Variants in NHS observed in about 807,000 individuals in gnomAD.
The protein encoded by NHS is NHS actin remodeling regulator.
A neutral mutation model predicts 72.5 loss-of-function variants in NHS; 5 were observed. That is an observed-to-expected ratio of 0.07 (90% CI 0.04 to 0.14). The LOEUF is 0.14. NHS is among the 10% of genes least tolerant of loss of function. NHS has a pLI of 1.00. For missense variants in NHS, 1,072 were observed against 1,355.7 expected (o/e 0.79, Z 3.29); for synonymous variants, 464 against 547.7 (o/e 0.85, Z 2.13).
intron 1 of NHS, among the ~76,000 whole-genome samples, chrX:17,576,277 C>T (rs1211757324): frequency 8.9e-6 from 1 of 112,015 alleles, no homozygotes; most frequent in Admixed American, 9.5e-5. Context: ...TTCAGCTTTG[C>T]ACCTTTGGAA....
chrX:17,677,670 T>TG (rs1325420978), intron 1 of NHS, among the ~76,000 whole-genome samples: 1 of 111,772 alleles, frequency 8.9e-6, no homozygotes, highest in African/African-American at 3.3e-5. Flanking sequence ...AGATGCTCCT[T>TG]GCGGTCTGTG....
At chrX:17,415,539 T>G (rs1335840094) in intron 1 of NHS, among the ~76,000 whole-genome samples, 1 of 111,759 alleles carries the variant, frequency 8.9e-6, no homozygotes, top group Non-Finnish European at 1.9e-5. Flanking sequence ...AAACCTCAAA[T>G]TTTTGGGCTG....
intron 1 of NHS, among the ~76,000 whole-genome samples, chrX:17,655,584 C>G (rs1175897772): frequency 1.8e-5 from 2 of 112,533 alleles, no homozygotes; most frequent in Non-Finnish European, 3.8e-5. Context: ...CTGGGAGATA[C>G]TCGCAGAGCC....
At chrX:17,465,800 T>C (rs2064868459) in intron 1 of NHS, among the ~76,000 whole-genome samples, 1 of 112,480 alleles carries the variant, frequency 8.9e-6, no homozygotes, top group Non-Finnish European at 1.9e-5. Flanking sequence ...CTTTATCATG[T>C]GTAATGTCTA....
Position 17,376,112 on chromosome X carries a change from C to G in NHS, c.355C>G (p.Leu119Val), listed in dbSNP as rs1307280695. ...CTCGGCGGCGGCGGCGGCGGCCGTG[C>G]TGCTCATGCTGGACCTATGCGCGGT... ...ASSAAAAAAV[L>V]LMLDLCAVSN... The change falls in exon 1 of 9, where the codon CTG becomes GTG. Residue 119 changes from leucine (L) to valine (V), a missense_variant. By Grantham distance (32) the Leu-to-Val change is conservative. Coordinates refer to ENST00000676302, the MANE Select transcript of NHS (RefSeq NM_001291867.2). The G allele has an allele frequency of 8.8e-7, 1 of 1,136,334 alleles. No homozygotes were observed. Among genetic ancestry groups the G allele is most frequent in the Non-Finnish European group, 1.2e-6 (1 of 864,470 alleles). The allele number at this position is 1,136,334 out of a possible 1,213,427, so 93.6% of individuals were successfully genotyped here. A position where few individuals can be genotyped will look rare whatever the true frequency, so the allele number is the denominator to read the frequency against.
chrX:17,401,116 G>A (rs926558667), intron 1 of NHS, among the ~76,000 whole-genome samples: 5 of 111,970 alleles, frequency 4.5e-5, no homozygotes, highest in Middle Eastern at 4.6e-3. Context: ...ATCGATAAGG[G>A]TGCCAAGACA....
intron 1 of NHS, among the ~76,000 whole-genome samples, chrX:17,582,100 T>A (rs1474467643): frequency 8.9e-6 from 1 of 111,791 alleles, no homozygotes. Flanking sequence ...GGAGCTGTTA[T>A]GGAGGCCTCA....
Position 17,727,914 on chromosome X carries a change from C to T in NHS, c.3808C>T (p.Pro1270Ser), listed in dbSNP as rs761199327. The T allele has an allele frequency of 7.4e-6, 9 of 1,210,017 alleles. No homozygotes were observed. The South Asian group carries it at 1.1e-4, about 14-fold the overall frequency. The change falls in exon 7 of 9, where the codon CCC (proline) becomes TCC (serine). Residue 1270 changes from proline (P) to serine (S), a missense_variant. Physicochemically the swap from Pro to Ser is moderately conservative, Grantham distance 74 (BLOSUM62 -1). Transcript: ENST00000676302. ...CACGCCAACCAAAAACTGTGCTTTT[C>T]CCACAGAAGGATTTCAGAGGGTCTC... ...ENTPTKNCAF[P>S]TEGFQRVSAA...
intron 1 of NHS, among the ~76,000 whole-genome samples, chrX:17,607,518 C>T (rs2065686922): frequency 9.0e-6 from 1 of 111,642 alleles, no homozygotes; most frequent in Non-Finnish European, 1.9e-5. Context: ...ATGGTTCAGG[C>T]TTTTCTGTTT....
intron 1 of NHS, among the ~76,000 whole-genome samples, chrX:17,597,127 T>G (rs756117088): frequency 5.9e-5 from 6 of 102,462 alleles, no homozygotes; most frequent in South Asian, 4.9e-4. Flanking sequence ...TTTTTTTTTT[T>G]TTTTTTTTTT....
chrX:17,689,834 T>A (rs1173686657), intron 2 of NHS, among the ~76,000 whole-genome samples: 1 of 112,097 alleles, frequency 8.9e-6, no homozygotes, highest in Non-Finnish European at 1.9e-5. Flanking sequence ...GGTATAATTA[T>A]TTTTATCCCT....
intron 1 of NHS, among the ~76,000 whole-genome samples, chrX:17,468,672 C>A: frequency 9.1e-6 from 1 of 110,094 alleles, no homozygotes; most frequent in Non-Finnish European, 1.9e-5. Flanking sequence ...CCCACCTCAG[C>A]CTCCCAAATA....
intron 1 of NHS, among the ~76,000 whole-genome samples, chrX:17,391,383 A>G (rs1218757157): frequency 2.7e-5 from 3 of 112,241 alleles, no homozygotes; most frequent in Non-Finnish European, 5.6e-5. Flanking sequence ...ATTGGTACTC[A>G]TTTTATAGAG....
Position 17,720,437 on chromosome X carries a change from A to G in NHS, c.916-1004A>G, listed in dbSNP as rs6633020. Among the ~76,000 whole-genome samples the G allele has an allele frequency of 2.4e-3, 270 of 112,570 alleles. 1 individual carries two copies. In the East Asian group the frequency reaches 0.064, roughly 27 times the overall value. ...ACTGGGATAACAGCAAAAGATATTT[A>G]TTTTATACAGATACCCACCTTCCTC... is the stretch of plus-strand genomic sequence containing the variant. On this transcript the variant is annotated intron_variant, in intron 4 of 8. Coordinates refer to ENST00000676302, the MANE Select transcript of NHS (RefSeq NM_001291867.2).
Position 17,375,943 on chromosome X carries a change from T to G in NHS, c.186T>G (p.Pro62=). The change falls in exon 1 of 9, where the codon CCT becomes CCG. Residue 62 remains proline (P), a synonymous_variant. Transcript: ENST00000676302. ...PGPEEPARAV[P]APSGLPPPPP... ...CAGAGGAGCCAGCCCGCGCCGTCCC[T>G]GCACCTTCAGGGCTGCCACCGCCGC... 1.8e-6 allele frequency: 2 copies of G among 1,084,798 alleles called. No homozygotes were observed. Among genetic ancestry groups the G allele is most frequent in the Non-Finnish European group, 2.4e-6 (2 of 839,157 alleles). The allele number at this position is 1,084,798 out of a possible 1,213,427, so 89.4% of individuals were successfully genotyped here. A position where few individuals can be genotyped will look rare whatever the true frequency, so the allele number is the denominator to read the frequency against.
Position 17,715,090 on chromosome X carries a change from G to A in NHS, c.853-4254G>A, listed in dbSNP as rs987490943. On this transcript the variant is annotated intron_variant, in intron 3 of 8. Coordinates refer to ENST00000676302, the MANE Select transcript of NHS (RefSeq NM_001291867.2). ...TGATTACATGAGTGAGTTCTTTAGT[G>A]GTGAATTCTGAAATTTTAGTGCACC... 6.3e-5 allele frequency among the ~76,000 whole-genome samples: 7 copies of A among 111,322 alleles called. No individual in the cohort carries two copies. The South Asian group carries it at 2.3e-3, about 36-fold the overall frequency.
chrX:17,537,740 G>T (rs2065235043), intron 1 of NHS, among the ~76,000 whole-genome samples: 1 of 111,743 alleles, frequency 8.9e-6, no homozygotes, highest in Non-Finnish European at 1.9e-5. Flanking sequence ...GCGGGAGTGG[G>T]GACTGTCCTG....
intron 1 of NHS, among the ~76,000 whole-genome samples, chrX:17,441,633 C>T (rs970162995): frequency 9.0e-6 from 1 of 111,421 alleles, no homozygotes; most frequent in Admixed American, 9.5e-5. Context: ...TTCCCATCTC[C>T]CTCCTTTCCT....
At chrX:17,691,006 A>G (rs1006958049) in intron 2 of NHS, among the ~76,000 whole-genome samples, 1 of 111,852 alleles carries the variant, frequency 8.9e-6, no homozygotes, top group Non-Finnish European at 1.9e-5. Context: ...GCAAGATTCC[A>G]CTGCAGTTTC....
Sources: gnomAD v4.1 joint callset for allele counts (sites outside exome capture counted in the v4.1 genomes callset) on GRCh38, gnomAD v4.1.1 for gene constraint, MANE v1.5 for transcripts, NCBI Gene and HGNC (gene_info 2026-07-23, HGNC 2026-07-21) for gene names.